The following TXN2 variants were observed in gnomAD, a reference collection of about 807,000 sequenced individuals.
TXN2 encodes thioredoxin, mitochondrial.
Under a neutral mutation model 14.6 loss-of-function variants are expected in TXN2, and 12 were observed. That is an observed-to-expected ratio of 0.82 (90% CI 0.53 to 1.33). TXN2 has a LOEUF of 1.33. TXN2 is among the 40% of genes most tolerant of loss of function. TXN2 has a pLI of 0.00. For missense variants in TXN2, 173 were observed against 207.7 expected (o/e 0.83, Z 1.03); for synonymous variants, 89 against 81.0 (o/e 1.10, Z -0.53).
intron 3 of TXN2, among the ~76,000 whole-genome samples, chr22:36,468,331 G>C (rs1297436540): frequency 2.0e-5 from 3 of 152,240 alleles, no homozygotes; most frequent in East Asian, 3.8e-4. Flanking sequence ...TCACTAGCAA[G>C]GGGGCCTTGG....
At position 36,481,563 on chromosome 22, in the gene TXN2, C is replaced by T; in HGVS notation, c.-1+1G>A. On this transcript the variant is annotated splice_donor_variant, in intron 1 of 3. Transcript: ENST00000216185. LOFTEE classifies it low-confidence loss of function (5UTR_SPLICE). ...TCGAGCCACCCCCACAGGGCTCCTA[C>T]CTCCCTGCAATGCGAGCGGAGGGAT... is the stretch of plus-strand genomic sequence containing the variant. 2 of 1,000,224 alleles carry T rather than the reference C, an allele frequency of 2.0e-6. No individual in the cohort carries two copies. Among genetic ancestry groups the T allele is most frequent in the Non-Finnish European group, 2.4e-6 (2 of 829,924 alleles). 62.0% of individuals were successfully genotyped at this position (1,000,224 alleles called of 1,614,324 possible).
In TXN2 at chr22:36,480,631, G is replaced by A; in HGVS notation, c.207C>T (p.Asp69=). Residue 69 remains aspartate, a synonymous_variant, in exon 2 of 4, where the codon GAC becomes GAT. Coordinates refer to ENST00000216185, the MANE Select transcript of TXN2 (RefSeq NM_012473.4). ...CACTGTTGACCACTCGGTCTTGAAA[G>A]TCAGGTCCATCCTGGATATTAAAGG... ...LTTFNIQDGP[D]FQDRVVNSET... is the part of the protein sequence containing the mutation. 1 of 1,614,158 alleles carries A rather than the reference G, an allele frequency of 6.2e-7. No individual in the cohort carries two copies. The highest frequency in any genetic ancestry group is 8.5e-7 in the Non-Finnish European group (1 of 1,180,032).
chr22:36,476,699 GGCTT>G, intron 3 of TXN2, 30 bp downstream of exon 3: 6 of 1,613,526 alleles, frequency 3.7e-6, no homozygotes, highest in Non-Finnish European at 5.1e-6. Flanking sequence ...CTCCTATACT[GGCTT>G]CCCTGTGGCA....
chr22:36,479,215 G>C (rs1933447706), intron 2 of TXN2, among the ~76,000 whole-genome samples: 1 of 152,178 alleles, frequency 6.6e-6, no homozygotes, highest in Non-Finnish European at 1.5e-5. Flanking sequence ...AGTGAAGAAA[G>C]GGAGCACAAA....
At chr22:36,470,296 C>T (rs1038907762) in intron 3 of TXN2, among the ~76,000 whole-genome samples, 2 of 152,198 alleles carry the variant, frequency 1.3e-5, no homozygotes, top group African/African-American at 4.8e-5. Context: ...GTGCCTCAGG[C>T]CCCTTCAAAG....
Position 36,476,791 on chromosome 22 carries a change from T to C in TXN2, c.329A>G (p.Lys110Arg). 1 of 1,614,172 alleles carries C rather than the reference T, an allele frequency of 6.2e-7. No homozygotes were observed. The highest frequency in any genetic ancestry group is 8.5e-7 in the Non-Finnish European group (1 of 1,180,024). ...AATATCCACCTTGGCCATCACCACC[T>C]TCCCGTGCTGCTTGGCCACCATCTT... ...LEKMVAKQHG[K>R]VVMAKVDIDD... The change falls in exon 3 of 4, where the codon AAG becomes AGG. Residue 110 changes from lysine to arginine, a missense_variant. Coordinates refer to ENST00000216185, the MANE Select transcript of TXN2 (RefSeq NM_012473.4).
chr22:36,471,389 T>G (rs982470450), intron 3 of TXN2, among the ~76,000 whole-genome samples: 1 of 152,152 alleles, frequency 6.6e-6, no homozygotes, highest in Non-Finnish European at 1.5e-5. Context: ...GAGCTCCGTG[T>G]CCTGGTATGT....
At chr22:36,470,035 T>C (rs1189633782) in intron 3 of TXN2, among the ~76,000 whole-genome samples, 1 of 152,076 alleles carries the variant, frequency 6.6e-6, no homozygotes, top group Non-Finnish European at 1.5e-5. Context: ...AACTACAAAG[T>C]AAGAGCAGAG....
chr22:36,474,914 C>T (rs1933355561), intron 3 of TXN2, among the ~76,000 whole-genome samples: 1 of 152,256 alleles, frequency 6.6e-6, no homozygotes, highest in Non-Finnish European at 1.5e-5. Context: ...AACCCAGACA[C>T]CTCCAGGCAC....
At chr22:36,472,765 A>G (rs1228803121) in intron 3 of TXN2, among the ~76,000 whole-genome samples, 1 of 152,154 alleles carries the variant, frequency 6.6e-6, no homozygotes, top group Admixed American at 6.6e-5. Flanking sequence ...TGGTGGACAC[A>G]TGCCATTATA....
chr22:36,481,462 G>A (rs1289432199), intron 1 of TXN2, 102 bp downstream of exon 1: 1 of 469,200 alleles, frequency 2.1e-6, no homozygotes, highest in Non-Finnish European at 2.9e-6. Context: ...TCTCCGGCGA[G>A]CTAGATCCCC....
In TXN2 at chr22:36,472,902, A is replaced by G. The variant is rs8135600; in HGVS notation, c.387+3831T>C. On this transcript the variant is annotated intron_variant, in intron 3 of 3. Coordinates refer to ENST00000216185, the MANE Select transcript of TXN2 (RefSeq NM_012473.4). The stretch of plus-strand genomic sequence containing the variant: ...CGGGGCCTTCAGAACCAGAAAGTCA[A>G]TCTGGGGCCTTCAGAATGAAAAAGT... 7.8e-3 allele frequency among the ~76,000 whole-genome samples: 826 copies of G among 105,470 alleles called. 7 individuals are homozygous for G. The highest frequency in any genetic ancestry group is 7.1e-3 in the Non-Finnish European group (394 of 55,624). 69.2% of individuals were successfully genotyped at this position (105,470 alleles called of 152,430 possible). A position where few individuals can be genotyped will look rare whatever the true frequency, so the allele number is the denominator to read the frequency against.
rs779303544 is a variant in TXN2 at position 36,476,720 on chromosome 22, T to C, written c.387+13A>G. 8 of 1,614,002 alleles carry C rather than the reference T, an allele frequency of 5.0e-6. No individual in the cohort carries two copies. In the South Asian group the frequency reaches 8.8e-5, roughly 18 times the overall value. ...TACTGGCTTCCCTGTGGCAACTCCC[T>C]GTCAATCCATACCTCATACTCAATG... On this transcript the variant is annotated intron_variant, in intron 3 of 3. Coordinates refer to ENST00000216185, the MANE Select transcript of TXN2 (RefSeq NM_012473.4).
intron 3 of TXN2, 67 bp from the exon 4 acceptor site, chr22:36,467,984 G>A: frequency 7.2e-7 from 1 of 1,387,106 alleles, no homozygotes; most frequent in Non-Finnish European, 1.0e-6. Flanking sequence ...CCACTCCTGA[G>A]CCTTTGTGGG....
chr22:36,479,623 C>T (rs1483371970), intron 2 of TXN2, among the ~76,000 whole-genome samples: 3 of 152,222 alleles, frequency 2.0e-5, no homozygotes, highest in South Asian at 4.2e-4. Flanking sequence ...TGAGCCACTG[C>T]GTCCGACCTG....
At chr22:36,468,067 C>G in intron 3 of TXN2, 150 bp from the exon 4 acceptor site, 1 of 682,720 alleles carries the variant, frequency 1.5e-6, no homozygotes. Context: ...TGGCTCTTCT[C>G]TCGGTGCAGG....
chr22:36,477,126 T>C (rs1316156379), intron 2 of TXN2, among the ~76,000 whole-genome samples: 6 of 152,206 alleles, frequency 3.9e-5, no homozygotes, highest in Non-Finnish European at 1.5e-5. Flanking sequence ...TATACTGTCA[T>C]ATAAAAGGAT....
chr22:36,472,984 C>T (rs912994525), intron 3 of TXN2, among the ~76,000 whole-genome samples: 1 of 151,934 alleles, frequency 6.6e-6, no homozygotes, highest in African/African-American at 2.4e-5. Flanking sequence ...GACACCCAGC[C>T]CTGGCATTAC....
chr22:36,480,690 G>C lies in TXN2; in HGVS notation c.148C>G (p.Arg50Gly), dbSNP rs749260640. 1.2e-6 allele frequency: 2 copies of C among 1,614,138 alleles called. No homozygotes were observed. Among genetic ancestry groups the C allele is most frequent in the East Asian group, 2.2e-5 (1 of 44,886 alleles). ...GAGATCCTCGTGGTGTATATTGTCC[G>C]GGCTGGGTTGGGTGTTACAGTCAGG... ...GGLTVTPNPA[R>G]TIYTTRISLT... The change falls in exon 2 of 4, where the codon CGG (arginine) becomes GGG (glycine). Residue 50 changes from arginine to glycine, a missense_variant. By Grantham distance (125) the Arg-to-Gly change is moderately radical. Transcript: ENST00000216185.
Sources: gnomAD v4.1 joint callset for allele counts (sites outside exome capture counted in the v4.1 genomes callset) on GRCh38, gnomAD v4.1.1 for gene constraint, MANE v1.5 for transcripts, NCBI Gene and HGNC (gene_info 2026-07-23, HGNC 2026-07-21) for gene names.